Variants in ATOSA observed in about 807,000 individuals in gnomAD.
ATOSA encodes the protein atos homolog protein A.
chr15:52,634,858 T>C, the ATOSA span, among the ~76,000 whole-genome samples: 4 of 152,152 alleles, frequency 2.6e-5, no homozygotes, highest in Non-Finnish European at 5.9e-5. Context: ...CATCTTGGCC[T>C]CCCAAAGTGC....
chr15:52,600,195 G>T, the ATOSA span: 1 of 1,611,316 alleles, frequency 6.2e-7, no homozygotes. Flanking sequence ...GGTTTTTCAT[G>T]AATATCTGGA....
chr15:52,609,516 C>T, the ATOSA span: 2 of 1,613,826 alleles, frequency 1.2e-6, no homozygotes, highest in Non-Finnish European at 1.7e-6. Flanking sequence ...CTCCAACAGG[C>T]ATATGAGAAT....
chr15:52,599,144 T>C, the ATOSA span, among the ~76,000 whole-genome samples: 2 of 152,336 alleles, frequency 1.3e-5, no homozygotes, highest in African/African-American at 2.4e-5. Flanking sequence ...ATACATTCCC[T>C]TTTCCAAAGT....
At chr15:52,704,748 A>G in the ATOSA span, among the ~76,000 whole-genome samples, 1 of 152,238 alleles carries the variant, frequency 6.6e-6, no homozygotes, top group Non-Finnish European at 1.5e-5. Context: ...CAACAGACAT[A>G]TGAAAAAATG....
At chr15:52,614,530 T>C in the ATOSA span, among the ~76,000 whole-genome samples, 2 of 152,064 alleles carry the variant, frequency 1.3e-5, no homozygotes, top group Non-Finnish European at 2.9e-5. Context: ...GAGATATCTA[T>C]TGTTAACTTT....
chr15:52,666,822 T>C, the ATOSA span, among the ~76,000 whole-genome samples: 2 of 151,600 alleles, frequency 1.3e-5, no homozygotes, highest in Non-Finnish European at 1.5e-5. Flanking sequence ...GGAAAAGAAA[T>C]AAACACAGAA....
chr15:52,708,627 G>C, the ATOSA span, among the ~76,000 whole-genome samples: 1 of 151,842 alleles, frequency 6.6e-6, no homozygotes, highest in East Asian at 1.9e-4. Context: ...AATAGTTTCT[G>C]CTAAACCACA....
the ATOSA span, chr15:52,609,187 C>A: frequency 6.2e-7 from 1 of 1,613,050 alleles, no homozygotes; most frequent in Non-Finnish European, 8.5e-7. Flanking sequence ...TTTCAAAGAA[C>A]ACTTTTCTTT....
At chr15:52,662,964 C>A in the ATOSA span, among the ~76,000 whole-genome samples, 1 of 151,882 alleles carries the variant, frequency 6.6e-6, no homozygotes, top group Non-Finnish European at 1.5e-5. Context: ...TAACAGCGGG[C>A]GATAATGTAA....
the ATOSA span, among the ~76,000 whole-genome samples, chr15:52,622,087 T>C: frequency 6.6e-6 from 1 of 152,060 alleles, no homozygotes; most frequent in African/African-American, 2.4e-5. Context: ...CCTCAAGTGA[T>C]TTACCAACCT....
chr15:52,665,750 T>C, the ATOSA span, among the ~76,000 whole-genome samples: 10 of 152,200 alleles, frequency 6.6e-5, 1 homozygote, highest in Admixed American at 4.6e-4. Flanking sequence ...AACAAAAAGC[T>C]TGTACACATG....
chr15:52,672,304 G>A, the ATOSA span, among the ~76,000 whole-genome samples: 1 of 151,520 alleles, frequency 6.6e-6, no homozygotes, highest in African/African-American at 2.4e-5. Context: ...AATTATGATT[G>A]CATCACTGTA....
the ATOSA span, among the ~76,000 whole-genome samples, chr15:52,689,288 A>C: frequency 6.6e-6 from 1 of 152,106 alleles, no homozygotes; most frequent in South Asian, 2.1e-4. Context: ...CATGTATTGA[A>C]TTTCTTTGCA....
chr15:52,638,194 T>C, the ATOSA span, among the ~76,000 whole-genome samples: 1 of 152,240 alleles, frequency 6.6e-6, no homozygotes, highest in African/African-American at 2.4e-5. Context: ...TTTCACTTAA[T>C]TTAGAATGAA....
chr15:52,631,623 T>A, the ATOSA span, among the ~76,000 whole-genome samples: 128 of 152,330 alleles, frequency 8.4e-4, no homozygotes, highest in African/African-American at 3.0e-3. Context: ...GCATTTTACA[T>A]TTTTTAATGT....
the ATOSA span, chr15:52,613,922 TG>T: frequency 3.7e-4 from 482 of 1,319,430 alleles, no homozygotes; most frequent in Non-Finnish European, 5.0e-4. Flanking sequence ...TCATCTGGTC[TG>T]CCTAAAATAA....
At chr15:52,672,267 T>G in the ATOSA span, among the ~76,000 whole-genome samples, 1 of 151,304 alleles carries the variant, frequency 6.6e-6, no homozygotes, top group South Asian at 2.1e-4. Context: ...GATGATCTCT[T>G]GATCCCAGGA....
chr15:52,673,970 T>C, the ATOSA span, among the ~76,000 whole-genome samples: 1 of 152,146 alleles, frequency 6.6e-6, no homozygotes, highest in Non-Finnish European at 1.5e-5. Context: ...AACCACAAAA[T>C]AGTGTGGTGT....
At chr15:52,660,714 C>T in the ATOSA span, among the ~76,000 whole-genome samples, 1 of 152,146 alleles carries the variant, frequency 6.6e-6, no homozygotes, top group Non-Finnish European at 1.5e-5. Flanking sequence ...TGCAATGGCT[C>T]GATGTTGGCT....
Sources: allele counts gnomAD v4.1 joint callset (sites outside exome capture counted in the v4.1 genomes callset), GRCh38; gene constraint gnomAD v4.1.1; transcripts MANE v1.5; gene names NCBI Gene and HGNC (gene_info 2026-07-23, HGNC 2026-07-21).